Variants in POLQ observed in about 807,000 individuals in gnomAD.
The protein encoded by POLQ is DNA polymerase theta.
POLQ carries 233 observed loss-of-function variants against 259.2 expected under a neutral mutation model. That is an observed-to-expected ratio of 0.90 (90% CI 0.81 to 1.00). The LOEUF is 1.00. POLQ is among the 50% of genes least tolerant of loss of function. The pLI is 0.00. For missense variants in POLQ, 2,871 were observed against 3,051.6 expected, an observed-to-expected ratio of 0.94 and a Z score of 1.39; for synonymous variants, 1,025 against 1,048.8, an observed-to-expected ratio of 0.98 and a Z score of 0.44.
Position 121,489,348 on chromosome 3 carries a change from A to G in POLQ, c.3583T>C (p.Tyr1195His). The change falls in exon 16 of 30, where the codon TAC becomes CAC. Residue 1195 changes from tyrosine (Y) to histidine (H), a missense_variant. Physicochemically the swap from Tyr to His is moderately conservative, Grantham distance 83. This residue lies in a region of POLQ where 2,080 missense variants were observed against 2,126.0 expected (regional missense o/e 0.98). Transcript: ENST00000264233. Reference protein sequence around the residue: ...KHHDIHPINQYLRKQSHEQTS... With the variant: ...KHHDIHPINQHLRKQSHEQTS... ...TGTTCATGAGATTGCTTTCGCAGGT[A>G]CTGGTTAATTGGATGGATGTCATGG... 1 of 1,613,254 alleles carries G rather than the reference A, an allele frequency of 6.2e-7. No individual in the cohort carries two copies. Among genetic ancestry groups the G allele is most frequent in the Non-Finnish European group, 8.5e-7 (1 of 1,179,714 alleles).
intron 22 of POLQ, among the ~76,000 whole-genome samples, chr3:121,470,185 G>T (rs1401122894): frequency 6.6e-6 from 1 of 152,064 alleles, no homozygotes; most frequent in Non-Finnish European, 1.5e-5. Flanking sequence ...CTTGAACCTA[G>T]GAGGCGGAGG....
rs755037536 is a variant in POLQ at position 121,481,756 on chromosome 3, A to G, written c.6027T>C (p.Val2009=). Reference sequence around the variant, plus strand: ...GAAGCTCATGAGGAAGAAAACTGGTAACTATGCTATGAAGAGTCGGCTCCT... The same window carrying G: ...GAAGCTCATGAGGAAGAAAACTGGTGACTATGCTATGAAGAGTCGGCTCCT... ...DSQEPTLHSI[V]TSFLPHELPL... The change falls in exon 19 of 30, where the codon GTT becomes GTC. Residue 2009 remains valine (V), a synonymous_variant. Coordinates refer to ENST00000264233, the MANE Select transcript of POLQ (RefSeq NM_199420.4). 1 of 1,613,840 alleles carries G rather than the reference A, an allele frequency of 6.2e-7. No individual in the cohort carries two copies. The highest frequency in any genetic ancestry group is 1.1e-5 in the South Asian group (1 of 91,076).
chr3:121,510,564 G>A (rs926050081), intron 10 of POLQ, among the ~76,000 whole-genome samples: 8 of 151,226 alleles, frequency 5.3e-5, no homozygotes, highest in Non-Finnish European at 8.8e-5. Context: ...GCGACAGAGC[G>A]AGACTCCATC....
Position 121,488,505 on chromosome 3 carries a change from G to A in POLQ, c.4426C>T (p.Leu1476Phe), listed in dbSNP as rs376730227. The change falls in exon 16 of 30, where the codon CTT becomes TTT. Residue 1476 changes from leucine to phenylalanine, a missense_variant. Coordinates refer to ENST00000264233, the MANE Select transcript of POLQ (RefSeq NM_199420.4). ...RTPTGVEGEC[L>F]PVPETSLNMS... ...TTCAAACTTGTTTCAGGAACTGGAAGACATTCTCCTTCTACACCAGTGGGA... is the reference window on the plus strand; with the variant it reads ...TTCAAACTTGTTTCAGGAACTGGAAAACATTCTCCTTCTACACCAGTGGGA... 1 of 1,609,134 alleles carries A rather than the reference G, an allele frequency of 6.2e-7. No individual in the cohort carries two copies.
chr3:121,461,753 T>C (rs1426262281), intron 24 of POLQ, among the ~76,000 whole-genome samples: 1 of 151,960 alleles, frequency 6.6e-6, no homozygotes, highest in African/African-American at 2.4e-5. Flanking sequence ...GAAAAGATTA[T>C]ATACCCATAT....
intron 25 of POLQ, among the ~76,000 whole-genome samples, chr3:121,455,611 C>T (rs1230421978): frequency 5.3e-5 from 8 of 152,098 alleles, no homozygotes; most frequent in East Asian, 3.9e-4. Flanking sequence ...AACACCTCTA[C>T]GCAAATAAAC....
At chr3:121,511,186 A>G (rs929922258) in intron 10 of POLQ, among the ~76,000 whole-genome samples, 3 of 144,616 alleles carry the variant, frequency 2.1e-5, no homozygotes, top group Non-Finnish European at 4.5e-5. Context: ...AGATTGCACC[A>G]CTGCACTCCA....
At chr3:121,447,215 G>A (rs1041912217) in intron 26 of POLQ, among the ~76,000 whole-genome samples, 2 of 141,036 alleles carry the variant, frequency 1.4e-5, no homozygotes, top group African/African-American at 5.2e-5. Flanking sequence ...CTGTCTCCCA[G>A]GCTGGAGTGC....
At chr3:121,501,661 CAAAAAAAAAAAAAAA>C (rs60180456) in intron 12 of POLQ, among the ~76,000 whole-genome samples, 2 of 39,944 alleles carry the variant, frequency 5.0e-5, no homozygotes, top group South Asian at 1.6e-3. Context: ...GACTCCGTCT[CAAAAAAAAAAAAAAA>C]AAAAAAAAAA....
intron 24 of POLQ, among the ~76,000 whole-genome samples, chr3:121,462,303 T>C (rs1263793890): frequency 6.6e-6 from 1 of 152,044 alleles, no homozygotes; most frequent in Admixed American, 6.6e-5. Flanking sequence ...CAACAAGCCA[T>C]GCAGAACTAT....
rs58859161 is a variant in POLQ, at chr3:121,459,369, A to ATTTTTTTTTT, written c.7152+671_7152+680dup. 3.8e-3 allele frequency among the ~76,000 whole-genome samples: 402 copies of ATTTTTTTTTT among 104,740 alleles called. 1 individual carries two copies. The highest frequency in any genetic ancestry group is 0.036 in the East Asian group (105 of 2,890). 68.7% of individuals were successfully genotyped at this position (104,740 alleles called of 152,430 possible). On this transcript the variant is annotated intron_variant, in intron 25 of 29. Transcript: ENST00000264233. Reference sequence around the variant, plus strand: ...CTCAGAACACTTACAGACTAGAAAGATTTTTTTTTTTTTTTTTTTTTTTGT... The same window carrying ATTTTTTTTTT: ...CTCAGAACACTTACAGACTAGAAAGATTTTTTTTTTTTTTTTTTTTTTTTTTTTTTTTTGT...
At chr3:121,473,535 T>C (rs1576409427) in intron 20 of POLQ, 48 bp from the exon 21 acceptor site, 1 of 1,473,284 alleles carries the variant, frequency 6.8e-7, no homozygotes, top group Non-Finnish European at 9.3e-7. Context: ...CTTGCAAGGA[T>C]TATCATTCAG....
At chr3:121,540,069 T>C (rs2048479900) in intron 3 of POLQ, among the ~76,000 whole-genome samples, 1 of 152,148 alleles carries the variant, frequency 6.6e-6, no homozygotes, top group African/African-American at 2.4e-5. Context: ...TTTTTTTTTT[T>C]TTAGTTTAAC....
At chr3:121,543,238 G>T (rs556164400) in intron 2 of POLQ, among the ~76,000 whole-genome samples, 23 of 152,230 alleles carry the variant, frequency 1.5e-4, no homozygotes, top group African/African-American at 5.5e-4. Flanking sequence ...CAATTGAAAT[G>T]GTCAAGCAAT....
At chr3:121,485,252 C>A in intron 16 of POLQ, 68 bp from the exon 17 acceptor site, 1 of 1,091,588 alleles carries the variant, frequency 9.2e-7, no homozygotes, top group African/African-American at 1.6e-5. Context: ...ATTGTTAAAA[C>A]AATTATAATA....
chr3:121,501,681 A>G (rs1190666971), intron 12 of POLQ, among the ~76,000 whole-genome samples: 9 of 144,702 alleles, frequency 6.2e-5, no homozygotes, highest in Non-Finnish European at 1.1e-4. Flanking sequence ...AAAAAAAAAA[A>G]AAAAAAAAGA....
intron 14 of POLQ, 126 bp from the exon 15 acceptor site, chr3:121,493,847 A>T: frequency 1.2e-6 from 1 of 802,222 alleles, no homozygotes. Flanking sequence ...ACAAGGCCCA[A>T]GGTGTAAGTT....
chr3:121,498,348 C>A, intron 13 of POLQ, 129 bp downstream of exon 13: 6 of 550,638 alleles, frequency 1.1e-5, no homozygotes, highest in South Asian at 4.4e-5. Flanking sequence ...AAAAAGAAAA[C>A]TGAAAAATCT....
rs781086279 is a variant in POLQ, at chr3:121,487,397, C to T, written c.5534G>A (p.Arg1845Gln). 1.1e-5 allele frequency: 17 copies of T among 1,612,922 alleles called. No individual in the cohort carries two copies. The highest frequency in any genetic ancestry group is 6.7e-5 in the African/African-American group (5 of 74,762). ...TGAGATGGAAAATCGCTTTTTGCAC[C>T]GCCACTCCTTAATGAATGTTTGGAA... is the stretch of plus-strand genomic sequence containing the variant. The part of the protein sequence containing the change: ...NLFQTFIKEW[R>Q]CKKRFSISLA... The change falls in exon 16 of 30, where the codon CGG (arginine) becomes CAG (glutamine). Residue 1845 changes from arginine to glutamine, a missense_variant. Transcript: ENST00000264233.
Sources: gnomAD v4.1 joint callset for allele counts (sites outside exome capture counted in the v4.1 genomes callset) on GRCh38, gnomAD v4.1.1 for gene constraint, gnomAD v4.1.1 regional missense constraint, MANE v1.5 for transcripts, NCBI Gene and HGNC (gene_info 2026-07-23, HGNC 2026-07-21) for gene names.